LRRC69: variants seen among roughly 807,000 people sequenced by gnomAD.
LRRC69 encodes the protein leucine rich repeat containing 69.
LRRC69 carries 42 observed loss-of-function variants against 37.8 expected under a neutral mutation model. The observed-to-expected ratio is 1.11, with a 90% CI of 0.87 to 1.44. The LOEUF (loss-of-function observed/expected upper bound fraction) is 1.44. Among genes scored for constraint, LRRC69 ranks in the 40% most tolerant of loss-of-function variants. LRRC69 has a pLI of 0.00. For synonymous variants in LRRC69, 141 were observed against 143.1 expected, an observed-to-expected ratio of 0.99 and a Z score of 0.11; for missense variants, 357 against 401.9, an observed-to-expected ratio of 0.89 and a Z score of 0.96.
At chr8:91,196,682 G>T (rs960014580) in intron 6 of LRRC69, among the ~76,000 whole-genome samples, 3 of 151,684 alleles carry the variant, frequency 2.0e-5, no homozygotes, top group African/African-American at 4.8e-5. Flanking sequence ...TCGAGCCTTG[G>T]TTTTCAGCTC....
chr8:91,181,701 C>T (rs1414371278), intron 5 of LRRC69, among the ~76,000 whole-genome samples: 1 of 152,086 alleles, frequency 6.6e-6, no homozygotes, highest in Non-Finnish European at 1.5e-5. Flanking sequence ...TTAGACAATG[C>T]AGAGTTAATA....
chr8:91,171,158 A>C lies in LRRC69; in HGVS notation c.652-18364A>C, dbSNP rs193296335. 2.0e-3 allele frequency among the ~76,000 whole-genome samples: 308 copies of C among 152,118 alleles called. 1 individual carries two copies. Among genetic ancestry groups the C allele is most frequent in the African/African-American group, 7.0e-3 (290 of 41,558 alleles). On this transcript the variant is annotated intron_variant, in intron 5 of 7. Transcript: ENST00000448384. ...GTAACAAAAACAGAATGTATGAAAA[A>C]AAGAATTTGGGTTTTATGTTCCTAA...
At chr8:91,144,821 G>A (rs567559858) in intron 5 of LRRC69, among the ~76,000 whole-genome samples, 6 of 151,804 alleles carry the variant, frequency 4.0e-5, no homozygotes, top group African/African-American at 1.2e-4. Context: ...AAATACTACC[G>A]GTATCTTTTG....
intron 5 of LRRC69, among the ~76,000 whole-genome samples, chr8:91,149,847 G>A (rs1399634660): frequency 2.0e-5 from 3 of 151,722 alleles, no homozygotes; most frequent in Non-Finnish European, 4.4e-5. Flanking sequence ...CTTTGAAGCA[G>A]TTGTCAATGG....
chr8:91,200,554 T>C (rs1056711261), intron 6 of LRRC69, 59 bp from the exon 7 acceptor site: 7 of 1,073,964 alleles, frequency 6.5e-6, no homozygotes, highest in East Asian at 3.0e-5. Flanking sequence ...TGGAAATCAA[T>C]GTAATGTAAA....
intron 3 of LRRC69, chr8:91,130,301 T>G (rs1336174542): frequency 6.6e-6 from 1 of 152,026 alleles, no homozygotes; most frequent in Non-Finnish European, 1.5e-5. Context: ...TGAGACAGAG[T>G]CTGGCCCTAC....
At chr8:91,180,956 A>T (rs1170302241) in intron 5 of LRRC69, among the ~76,000 whole-genome samples, 5 of 151,976 alleles carry the variant, frequency 3.3e-5, no homozygotes, top group African/African-American at 9.7e-5. Flanking sequence ...AGAAAATAAA[A>T]TAAAATACCT....
At chr8:91,145,324 A>G (rs1027778364) in intron 5 of LRRC69, among the ~76,000 whole-genome samples, 1 of 151,924 alleles carries the variant, frequency 6.6e-6, no homozygotes, top group African/African-American at 2.4e-5. Flanking sequence ...TTTCCTTGGA[A>G]CTATCCACTT....
At chr8:91,205,677 T>C (rs1809791658) in intron 7 of LRRC69, 1 of 152,098 alleles carries the variant, frequency 6.6e-6, no homozygotes. Context: ...ATTGGGAGAC[T>C]AAAAGGAAGG....
At chr8:91,214,109 G>A (rs1809991863) in intron 7 of LRRC69, among the ~76,000 whole-genome samples, 1 of 152,124 alleles carries the variant, frequency 6.6e-6, no homozygotes, top group African/African-American at 2.4e-5. Flanking sequence ...GAAGATAAGA[G>A]GCTAGTTAGA....
At chr8:91,204,121 C>CAA (rs768420210) in intron 7 of LRRC69, among the ~76,000 whole-genome samples, 22 of 52,334 alleles carry the variant, frequency 4.2e-4, no homozygotes, top group South Asian at 6.9e-4. Context: ...GACTCCATCT[C>CAA]AAAAAAAAAA....
At chr8:91,150,480 A>G (rs375323178) in intron 5 of LRRC69, among the ~76,000 whole-genome samples, 10 of 151,848 alleles carry the variant, frequency 6.6e-5, no homozygotes, top group Non-Finnish European at 1.2e-4. Flanking sequence ...TGCTGGATTC[A>G]GTTTGCCAGT....
rs535215182 is a variant in LRRC69, at chr8:91,113,657, A to G, written c.183+10813A>G. Among the ~76,000 whole-genome samples the G allele has an allele frequency of 9.0e-4, 137 of 152,024 alleles. 1 individual carries two copies. The Middle Eastern group carries it at 0.024, about 26-fold the overall frequency. On this transcript the variant is annotated intron_variant, in intron 1 of 7. Transcript: ENST00000448384. Reference sequence around the variant, plus strand: ...CTTCTTGACATTGGTCTGGACAATGATTTTTTGGATATGGTGCCAAAAACA... The same window carrying G: ...CTTCTTGACATTGGTCTGGACAATGGTTTTTTGGATATGGTGCCAAAAACA...
intron 5 of LRRC69, among the ~76,000 whole-genome samples, chr8:91,154,029 G>A (rs757025400): frequency 6.6e-6 from 1 of 151,556 alleles, no homozygotes; most frequent in Non-Finnish European, 1.5e-5. Flanking sequence ...ACTACAAAGG[G>A]CATATCACCA....
intron 6 of LRRC69, among the ~76,000 whole-genome samples, chr8:91,195,103 C>G (rs1040522353): frequency 6.6e-6 from 1 of 152,140 alleles, no homozygotes; most frequent in South Asian, 2.1e-4. Flanking sequence ...TGTTATGTAC[C>G]CAGTAGTCAT....
chr8:91,104,772 T>G (rs1813279323), intron 1 of LRRC69, among the ~76,000 whole-genome samples: 1 of 152,056 alleles, frequency 6.6e-6, no homozygotes, highest in African/African-American at 2.4e-5. Context: ...TTCAGGAGTC[T>G]CGAGAAATCA....
rs117302953 is a variant in LRRC69, at chr8:91,152,830, A to G, written c.651+17091A>G. On this transcript the variant is annotated intron_variant, in intron 5 of 7. Coordinates refer to ENST00000448384, the Ensembl canonical transcript of LRRC69. ...GAGCAGTGGTTTGTGAGTGTACACA[A>G]TAACCAGCTAGCATCATGATGACAT... Among the ~76,000 whole-genome samples, 107 of 151,356 alleles carry G rather than the reference A, an allele frequency of 7.1e-4. No homozygotes were observed. The East Asian group carries it at 0.02, about 28-fold the overall frequency.
intron 6 of LRRC69, among the ~76,000 whole-genome samples, chr8:91,192,494 C>T (rs1809515773): frequency 6.6e-6 from 1 of 151,172 alleles, no homozygotes; most frequent in Admixed American, 6.6e-5. Context: ...TCTCCACATC[C>T]TCTCCAGCAC....
At chr8:91,173,148 G>A (rs957062540) in intron 5 of LRRC69, among the ~76,000 whole-genome samples, 1 of 151,954 alleles carries the variant, frequency 6.6e-6, no homozygotes, top group Non-Finnish European at 1.5e-5. Context: ...GTGAGGGATA[G>A]GAGGAATAGT....
Sources: gnomAD v4.1 joint callset for allele counts (sites outside exome capture counted in the v4.1 genomes callset) on GRCh38, gnomAD v4.1.1 for gene constraint, MANE v1.5 for transcripts, NCBI Gene and HGNC (gene_info 2026-07-23, HGNC 2026-07-21) for gene names.